Variants in RMDN2 observed in about 807,000 individuals in gnomAD.
RMDN2 encodes regulator of microtubule dynamics 2.
Under a neutral mutation model 52.8 loss-of-function variants are expected in RMDN2, and 61 were observed. The ratio of observed to expected loss-of-function variants is 1.16; its 90% confidence interval spans 0.94 to 1.43. RMDN2 has a LOEUF of 1.43. RMDN2 is among the 40% of genes most tolerant of loss of function. The pLI is 0.00. For missense variants in RMDN2, 592 were observed against 475.3 expected (o/e 1.25, Z -2.28); for synonymous variants, 180 against 153.1 (o/e 1.18, Z -1.30).
At chr2:38,044,118 A>G (rs1022648784) in intron 10 of RMDN2, among the ~76,000 whole-genome samples, 4 of 152,062 alleles carry the variant, frequency 2.6e-5, no homozygotes, top group Admixed American at 6.5e-5. Flanking sequence ...TTTGTCTAAG[A>G]AAGTCTTATT....
At chr2:37,960,486 T>C (rs1429998007) in intron 2 of RMDN2, among the ~76,000 whole-genome samples, 1 of 152,196 alleles carries the variant, frequency 6.6e-6, no homozygotes, top group Non-Finnish European at 1.5e-5. Context: ...TTGCTTTCCA[T>C]TTGCTTGATA....
chr2:37,926,621 A>G (rs984482248), intron 1 of RMDN2, among the ~76,000 whole-genome samples: 1 of 152,226 alleles, frequency 6.6e-6, no homozygotes, highest in Non-Finnish European at 1.5e-5. Flanking sequence ...CTACAAGTGT[A>G]TACTATTAAC....
At chr2:37,958,277 G>C (rs1043563454) in intron 2 of RMDN2, among the ~76,000 whole-genome samples, 2 of 152,202 alleles carry the variant, frequency 1.3e-5, no homozygotes, top group Non-Finnish European at 2.9e-5. Context: ...GTATCCATGA[G>C]TGTGGAGTGT....
intron 7 of RMDN2, among the ~76,000 whole-genome samples, chr2:37,995,842 T>C (rs1051669241): frequency 1.3e-5 from 2 of 152,222 alleles, no homozygotes; most frequent in Non-Finnish European, 2.9e-5. Context: ...ATAGAAATGA[T>C]AATGAAAACC....
At chr2:37,954,970 TATTTTTTTATAATTCTTTCCAGATAGCTC>T (rs1669270127) in intron 2 of RMDN2, among the ~76,000 whole-genome samples, 1 of 152,150 alleles carries the variant, frequency 6.6e-6, no homozygotes, top group African/African-American at 2.4e-5. Flanking sequence ...TAAGTGAAAT[TATTTTTTTATAATTCTTTCCAGATAGCTC>T]ATTGTTAATG....
chr2:37,953,142 G>A (rs560466363), intron 2 of RMDN2: 132 of 151,988 alleles, frequency 8.7e-4, no homozygotes, highest in African/African-American at 2.9e-3. Context: ...CTTGTTCTTA[G>A]CATGTGTCTT....
chr2:37,933,494 G>A (rs1419157557), intron 2 of RMDN2, among the ~76,000 whole-genome samples: 5 of 152,284 alleles, frequency 3.3e-5, no homozygotes, highest in African/African-American at 1.2e-4. Context: ...TGAGCACTGA[G>A]TGAACCAGAC....
intron 1 of RMDN2, among the ~76,000 whole-genome samples, chr2:37,928,519 A>G (rs1306150819): frequency 1.3e-5 from 2 of 152,218 alleles, no homozygotes; most frequent in Non-Finnish European, 1.5e-5. Context: ...ACTCCCAGCT[A>G]TTTACTTTGC....
intron 4 of RMDN2, among the ~76,000 whole-genome samples, chr2:37,976,788 A>G (rs773085276): frequency 3.3e-5 from 5 of 152,188 alleles, no homozygotes; most frequent in East Asian, 3.8e-4. Context: ...AAATCCAAGT[A>G]TATCTATGTA....
At chr2:38,018,154 CACAGGGAAT>C (rs1461002277), downstream of RMDN2, among the ~76,000 whole-genome samples, 2 of 152,144 alleles carry the variant, frequency 1.3e-5, no homozygotes, top group Non-Finnish European at 2.9e-5. Flanking sequence ...TAATGCAGGT[CACAGGGAAT>C]ACGATGGCTT....
At position 38,013,860 on chromosome 2, in the gene RMDN2, T is replaced by C. The variant is rs948725128; in HGVS notation, c.1180-3326T>C. On this transcript the variant is annotated intron_variant, in intron 10 of 10. Transcript: ENST00000354545. ...TGGTTGAAACTTATTTCTTGTAAAT[T>C]AACTCATCTGTGCTATCCGTGCCTG... Among the ~76,000 whole-genome samples the C allele has an allele frequency of 7.9e-5, 12 of 152,324 alleles. No individual in the cohort carries two copies. In the South Asian group the frequency reaches 2.3e-3, roughly 29 times the overall value.
chr2:37,942,996 C>T (rs1235371700), intron 2 of RMDN2, among the ~76,000 whole-genome samples: 1 of 152,178 alleles, frequency 6.6e-6, no homozygotes, highest in African/African-American at 2.4e-5. Context: ...AGATGCTAGA[C>T]CTTCCTGGGC....
At chr2:38,050,376 C>T (rs1477404452) in intron 10 of RMDN2, among the ~76,000 whole-genome samples, 1 of 152,054 alleles carries the variant, frequency 6.6e-6, no homozygotes, top group African/African-American at 2.4e-5. Flanking sequence ...AAAACCTTCC[C>T]TGACCATATA....
intron 2 of RMDN2, chr2:37,951,286 G>C (rs202219679): frequency 6.2e-7 from 1 of 1,611,516 alleles, no homozygotes; most frequent in Non-Finnish European, 8.5e-7. Context: ...GATCAAGTTA[G>C]TACAGACGCC....
intron 2 of RMDN2, among the ~76,000 whole-genome samples, chr2:37,944,116 C>G (rs1433914131): frequency 6.6e-6 from 1 of 152,118 alleles, no homozygotes; most frequent in East Asian, 1.9e-4. Flanking sequence ...TTTTGCCAAG[C>G]CGAAAACTTG....
At chr2:37,922,004 G>A (rs116203756), upstream of RMDN2, among the ~76,000 whole-genome samples, 2,423 of 152,274 alleles carry the variant, frequency 0.016, 60 homozygotes, top group African/African-American at 0.055. Context: ...GGTTACACCT[G>A]GGGGACTTCT....
intron 2 of RMDN2, among the ~76,000 whole-genome samples, chr2:37,933,389 C>T (rs987240362): frequency 6.6e-6 from 1 of 152,244 alleles, no homozygotes; most frequent in South Asian, 2.1e-4. Flanking sequence ...GCAGAGGCTG[C>T]AATCTCGGCA....
At chr2:37,997,273 G>T (rs894196357) in intron 7 of RMDN2, 143 bp from the exon 8 acceptor site, 10 of 637,194 alleles carry the variant, frequency 1.6e-5, no homozygotes, top group Non-Finnish European at 2.8e-5. Context: ...TATTATTTAT[G>T]GATATATGTT....
intron 10 of RMDN2, among the ~76,000 whole-genome samples, chr2:38,034,763 A>C (rs1268133592): frequency 6.6e-6 from 1 of 151,386 alleles, no homozygotes; most frequent in African/African-American, 2.4e-5. Flanking sequence ...TAAAATTTTC[A>C]TGATAAAACA....
Sources: allele counts gnomAD v4.1 joint callset (sites outside exome capture counted in the v4.1 genomes callset), GRCh38; gene constraint gnomAD v4.1.1; transcripts MANE v1.5; gene names NCBI Gene and HGNC (gene_info 2026-07-23, HGNC 2026-07-21).